C12orf43: variants seen among roughly 807,000 people sequenced by gnomAD.
C12orf43 encodes protein CUSTOS.
C12orf43 carries 15 observed loss-of-function variants against 20.6 expected under a neutral mutation model. The ratio of observed to expected loss-of-function variants is 0.73; its 90% CI spans 0.49 to 1.12. The LOEUF is 1.12. C12orf43 is among the 50% of genes most tolerant of loss of function. C12orf43 has a pLI of 0.00. For synonymous variants in C12orf43, 144 were observed against 130.8 expected, an observed-to-expected ratio of 1.10 and a Z score of -0.69; for missense variants, 334 against 344.4, an observed-to-expected ratio of 0.97 and a Z score of 0.24.
In C12orf43 at chr12:121,005,225, A is replaced by C. The variant is rs1467312859; in HGVS notation, c.362-132T>G. ...ACGAAAGAAAGAAAAGATAAAGAGAAACAAAAAAAAAATTTTAAGAAGACA... is the reference window on the plus strand; with the variant it reads ...ACGAAAGAAAGAAAAGATAAAGAGACACAAAAAAAAAATTTTAAGAAGACA... On this transcript the variant is annotated intron_variant, in intron 4 of 5. Transcript: ENST00000288757. The surrounding 1 kb of genome is among the most constrained non-coding windows in gnomAD (Gnocchi z 5.6). 2 of 487,972 alleles carry C rather than the reference A, an allele frequency of 4.1e-6. No individual in the cohort carries two copies. The highest frequency in any genetic ancestry group is 6.6e-6 in the Non-Finnish European group (2 of 305,094). 30.2% of individuals were successfully genotyped at this position (487,972 alleles called of 1,614,324 possible).
Position 121,004,908 on chromosome 12 carries a change from GTCCTGACTGGAGTCTGCTTGGCTAT to G in C12orf43, c.452+70_452+94del, listed in dbSNP as rs1456478024. ...CTGACAGGGCCACTGCCTTGGCCTG[GTCCTGACTGGAGTCTGCTTGGCTAT>G]TCCAGGGAACCCACCAAGACAGAAG... On this transcript the variant is annotated intron_variant, in intron 5 of 5. Transcript: ENST00000288757. The surrounding 1 kb of genome is among the most constrained non-coding windows in gnomAD (Gnocchi z 5.6). 4.2e-5 allele frequency: 39 copies of G among 923,906 alleles called. No homozygotes were observed. In the Middle Eastern group the frequency reaches 1.6e-3, roughly 39 times the overall value. 57.2% of individuals were successfully genotyped at this position (923,906 alleles called of 1,614,324 possible).
Position 121,000,532 on chromosome 12 carries a change from C to T in C12orf43, c.*3621G>A, listed in dbSNP as rs986340360. On this transcript the variant is annotated 3_prime_UTR_variant, in exon 6 of 6. Transcript: ENST00000288757. ...ACAGATTTATTTGAAGGACTTGGCCCGTGTCTGCGGGGGGCTGGCAGGCCT... is the reference window on the plus strand; with the variant it reads ...ACAGATTTATTTGAAGGACTTGGCCTGTGTCTGCGGGGGGCTGGCAGGCCT... 7 of 195,100 alleles carry T rather than the reference C, an allele frequency of 3.6e-5. No individual in the cohort carries two copies. The highest frequency in any genetic ancestry group is 6.4e-5 in the Non-Finnish European group (6 of 94,206). The allele number at this position is 195,100 out of a possible 1,614,324, so 12.1% of individuals were successfully genotyped here.
intron 1 of C12orf43, among the ~76,000 whole-genome samples, chr12:121,011,676 C>T (rs1878481702): frequency 6.6e-6 from 1 of 151,796 alleles, no homozygotes. Flanking sequence ...GGGCTGGGGG[C>T]CCAGGCCATC....
chr12:121,010,709 T>C lies in C12orf43; in HGVS notation c.287+119A>G, dbSNP rs138481347. ...AATGTTCTTTATAAATGCAGGGAGA[T>C]GACATATGCCAGGTGCCTGCCACCG... On this transcript the variant is annotated intron_variant, in intron 3 of 5. Coordinates refer to ENST00000288757, the MANE Select transcript of C12orf43 (RefSeq NM_022895.3). 1.6e-3 allele frequency: 952 copies of C among 588,848 alleles called. 11 individuals are homozygous for C. In the African/African-American group the frequency reaches 0.017, roughly 11 times the overall value. 36.5% of individuals were successfully genotyped at this position (588,848 alleles called of 1,614,324 possible).
Position 121,011,147 on chromosome 12 carries a change from C to G in C12orf43, c.146-1G>C. ...GTTGACAACTGGCTATTTGCAGCAC[C>G]TGTGGAAAAATGAAAATTAGGGCAT... is the stretch of plus-strand genomic sequence containing the variant. On this transcript the variant is annotated splice_acceptor_variant, in intron 1 of 5. Transcript: ENST00000288757. LOFTEE classifies it high-confidence loss of function. The G allele has an allele frequency of 6.2e-7, 1 of 1,613,600 alleles. No individual in the cohort carries two copies. The highest frequency in any genetic ancestry group is 1.3e-5 in the African/African-American group (1 of 74,950).
chr12:121,001,597 G>A lies in C12orf43; in HGVS notation c.*2556C>T. 2.3e-6 allele frequency: 1 copy of A among 441,190 alleles called. No individual in the cohort carries two copies. Among genetic ancestry groups the A allele is most frequent in the Non-Finnish European group, 4.3e-6 (1 of 231,472 alleles). 27.3% of individuals were successfully genotyped at this position (441,190 alleles called of 1,614,324 possible). On this transcript the variant is annotated 3_prime_UTR_variant, in exon 6 of 6. Transcript: ENST00000288757. ...CACACTTCTCAGGACACAGGCCTGT[G>A]TAGCTGTGACCTGCTGAGCTCTGAG...
Position 121,004,125 on chromosome 12 carries a change from T to C in C12orf43, c.*28A>G. 6.2e-7 allele frequency: 1 copy of C among 1,610,152 alleles called. No homozygotes were observed. Among genetic ancestry groups the C allele is most frequent in the South Asian group, 1.1e-5 (1 of 91,010 alleles). ...GGGGGGGACACCTTGTCCTTGGAGCTGGCTGAGCCCTGTGCCCATGGCTGG... is the reference window on the plus strand; with the variant it reads ...GGGGGGGACACCTTGTCCTTGGAGCCGGCTGAGCCCTGTGCCCATGGCTGG... On this transcript the variant is annotated 3_prime_UTR_variant, in exon 6 of 6. Coordinates refer to ENST00000288757, the MANE Select transcript of C12orf43 (RefSeq NM_022895.3). The surrounding 1 kb of genome is among the most constrained non-coding windows in gnomAD (Gnocchi z 5.6).
intron 1 of C12orf43, 52 bp downstream of exon 1, chr12:121,016,278 C>CA: frequency 6.2e-7 from 1 of 1,610,524 alleles, no homozygotes. Flanking sequence ...TCTCAGGCTC[C>CA]AGGGGAAGAT....
Position 121,000,915 on chromosome 12 carries a change from A to T in C12orf43, c.*3238T>A. ...CTGGGAGGCTCCCTTTGAAGAACCG[A>T]GGGTAGAGGTGTGACTTTGGGGTTC... On this transcript the variant is annotated 3_prime_UTR_variant, in exon 6 of 6. Transcript: ENST00000288757. 9.1e-7 allele frequency: 1 copy of T among 1,100,674 alleles called. No individual in the cohort carries two copies. The highest frequency in any genetic ancestry group is 1.3e-6 in the Non-Finnish European group (1 of 745,554). 68.2% of individuals were successfully genotyped at this position (1,100,674 alleles called of 1,614,324 possible). A position where few individuals can be genotyped will look rare whatever the true frequency, so the allele number is the denominator to read the frequency against.
At chr12:121,016,113 A>C in intron 1 of C12orf43, 1 of 758,718 alleles carries the variant, frequency 1.3e-6, no homozygotes, top group Non-Finnish European at 2.2e-6. Flanking sequence ...GGCAGAATCA[A>C]AAGACATTTG....
chr12:121,014,795 A>G (rs1216135577), intron 1 of C12orf43, among the ~76,000 whole-genome samples: 4 of 152,066 alleles, frequency 2.6e-5, no homozygotes, highest in African/African-American at 9.7e-5. Context: ...CCTGGGCAAC[A>G]TGGCAAAACC....
intron 3 of C12orf43, among the ~76,000 whole-genome samples, chr12:121,008,631 C>A (rs115158672): frequency 6.6e-6 from 1 of 152,232 alleles, no homozygotes; most frequent in Admixed American, 6.5e-5. Context: ...CCTTCCTAAA[C>A]ACCTCCTCTA....
intron 3 of C12orf43, among the ~76,000 whole-genome samples, chr12:121,009,706 T>C (rs1878300027): frequency 6.6e-6 from 1 of 152,186 alleles, no homozygotes. Flanking sequence ...GCCTCCAAAA[T>C]GTGAGAAATA....
intron 1 of C12orf43, 54 bp from the exon 2 acceptor site, chr12:121,011,200 C>T (rs1592918927): frequency 1.5e-5 from 22 of 1,496,584 alleles, no homozygotes; most frequent in East Asian, 2.3e-5. Flanking sequence ...ACAGCAACAA[C>T]AAATGCGTGC....
In C12orf43 at chr12:121,006,363, G is replaced by A. The variant is rs1372476322; in HGVS notation, c.319C>T (p.Pro107Ser). 6.2e-7 allele frequency: 1 copy of A among 1,614,096 alleles called. No homozygotes were observed. The highest frequency in any genetic ancestry group is 8.5e-7 in the Non-Finnish European group (1 of 1,179,964). The change falls in exon 4 of 6, where the codon CCA becomes TCA. Residue 107 changes from proline to serine, a missense_variant. Pro to Ser is a moderately conservative substitution (Grantham distance 74, BLOSUM62 -1). Transcript: ENST00000288757. Reference protein sequence around the residue: ...FITISEAAKEPAKAKVQKVAL... With the variant: ...FITISEAAKESAKAKVQKVAL... ...ACTTTCTGTACCTTAGCTTTTGCTG[G>A]CTCCTTTGCTGCTTCTGAGATGGTA...
chr12:121,010,742 C>T, intron 3 of C12orf43, 86 bp downstream of exon 3: 1 of 1,093,876 alleles, frequency 9.1e-7, no homozygotes, highest in East Asian at 2.8e-5. Context: ...CCGTGCCAGC[C>T]TGGACACCGT....
Position 121,002,742 on chromosome 12 carries a change from A to G in C12orf43, c.*1411T>C. 3.3e-6 allele frequency: 1 copy of G among 305,840 alleles called. No homozygotes were observed. Among genetic ancestry groups the G allele is most frequent in the Non-Finnish European group, 6.4e-6 (1 of 155,922 alleles). The allele number at this position is 305,840 out of a possible 1,614,324, so 18.9% of individuals were successfully genotyped here. ...GTTTTGGAGACAGGGTCTCACTGTC[A>G]CCCAGGCTGGACTGCAGTGGCATTA... On this transcript the variant is annotated 3_prime_UTR_variant, in exon 6 of 6. Coordinates refer to ENST00000288757, the MANE Select transcript of C12orf43 (RefSeq NM_022895.3).
rs762838573 is a variant in C12orf43 at position 121,004,458 on chromosome 12, G to A, written c.484C>T (p.Arg162Trp). The A allele has an allele frequency of 2.6e-5, 42 of 1,609,072 alleles. 1 individual carries two copies. The highest frequency in any genetic ancestry group is 1.8e-4 in the South Asian group (16 of 90,856). The change falls in exon 6 of 6, where the codon CGG becomes TGG. Residue 162 changes from arginine to tryptophan, a missense_variant. Coordinates refer to ENST00000288757, the MANE Select transcript of C12orf43 (RefSeq NM_022895.3). This position sits in a 1 kb window ranked among gnomAD's most constrained non-coding sequence, Gnocchi z 5.6. Reference sequence around the variant, plus strand: ...TCGGACGCCGACACAGCTGCCTCCCGGCACCGCCGCCACTCCTCGTCACTG... The same window carrying A: ...TCGGACGCCGACACAGCTGCCTCCCAGCACCGCCGCCACTCCTCGTCACTG... ...EDSDEEWRRC[R>W]EAAVSASDIL...
chr12:121,003,186 T>G lies in C12orf43; in HGVS notation c.*967A>C, dbSNP rs1263393125. On this transcript the variant is annotated 3_prime_UTR_variant, in exon 6 of 6. Transcript: ENST00000288757. The stretch of plus-strand genomic sequence containing the variant: ...GGATTACGGGCGTGTGTCAACATGC[T>G]CAGCTAATTTTTGTATTTTTAGTAG... The G allele has an allele frequency of 6.6e-6, 1 of 152,048 alleles. No individual in the cohort carries two copies. Among genetic ancestry groups the G allele is most frequent in the Admixed American group, 6.6e-5 (1 of 15,254 alleles). 9.4% of individuals were successfully genotyped at this position (152,048 alleles called of 1,614,324 possible).
Sources: allele counts gnomAD v4.1 joint callset (sites outside exome capture counted in the v4.1 genomes callset), GRCh38; gene constraint gnomAD v4.1.1; non-coding constraint Gnocchi (gnomAD v3.1); transcripts MANE v1.5; gene names NCBI Gene and HGNC (gene_info 2026-07-23, HGNC 2026-07-21).